Variants in ERC1 observed in about 807,000 individuals in gnomAD.
ERC1 encodes RAB6 interacting protein 2.
ERC1 carries 56 observed loss-of-function variants against 132.0 expected under a neutral mutation model. The observed-to-expected ratio is 0.42, with a 90% CI of 0.34 to 0.53. The LOEUF is 0.53. ERC1 is among the 20% of genes least tolerant of loss of function. The pLI, the probability that ERC1 is intolerant of heterozygous loss-of-function variation, is 0.03. For missense variants in ERC1, 1,202 were observed against 1,349.9 expected (o/e 0.89, Z 1.72); for synonymous variants, 478 against 476.1 (o/e 1.00, Z -0.05).
At chr12:1,176,526 A>G (rs1160615245) in intron 8 of ERC1, among the ~76,000 whole-genome samples, 1 of 151,744 alleles carries the variant, frequency 6.6e-6, no homozygotes, top group Non-Finnish European at 1.5e-5. Flanking sequence ...TTATCCCCTA[A>G]CAAGAGAGTC....
At chr12:1,004,931 T>C (rs928190564) in intron 1 of ERC1, among the ~76,000 whole-genome samples, 3 of 152,042 alleles carry the variant, frequency 2.0e-5, no homozygotes, top group African/African-American at 7.2e-5. Context: ...AGAAAGACCG[T>C]ATTTAACTTC....
At chr12:1,297,198 TAA>T (rs35473192) in intron 15 of ERC1, among the ~76,000 whole-genome samples, 54,009 of 130,124 alleles carry the variant, frequency 0.42, 10,132 homozygotes, top group Middle Eastern at 0.57. Context: ...TTCAGGGTAC[TAA>T]AAAAAAAAAA....
intron 17 of ERC1, among the ~76,000 whole-genome samples, chr12:1,413,139 A>C (rs1420903394): frequency 6.6e-6 from 1 of 152,212 alleles, no homozygotes; most frequent in Non-Finnish European, 1.5e-5. Context: ...AACACCTTGA[A>C]TTTTATAAAG....
intron 1 of ERC1, among the ~76,000 whole-genome samples, chr12:998,142 C>T (rs1401847850): frequency 6.6e-6 from 1 of 152,192 alleles, no homozygotes; most frequent in African/African-American, 2.4e-5. Context: ...CAACCTATTT[C>T]TGTCTTGTTT....
At chr12:1,296,026 A>AAAC (rs1566513642) in intron 15 of ERC1, among the ~76,000 whole-genome samples, 1 of 150,824 alleles carries the variant, frequency 6.6e-6, no homozygotes, top group Non-Finnish European at 1.5e-5. Flanking sequence ...AAAAAAAAAA[A>AAAC]CAACTAAATT....
intron 16 of ERC1, among the ~76,000 whole-genome samples, chr12:1,388,417 T>C (rs1204027180): frequency 3.3e-5 from 5 of 151,304 alleles, no homozygotes; most frequent in African/African-American, 4.9e-5. Context: ...AGAGGGATCA[T>C]TGTGGCCAGG....
At chr12:1,241,474 C>T (rs1471071898) in intron 13 of ERC1, among the ~76,000 whole-genome samples, 1 of 151,902 alleles carries the variant, frequency 6.6e-6, no homozygotes, top group Non-Finnish European at 1.5e-5. Flanking sequence ...GTTTAAACAT[C>T]TTTTCAAAAA....
At chr12:1,330,456 A>G (rs1472360153) in intron 15 of ERC1, among the ~76,000 whole-genome samples, 1 of 151,996 alleles carries the variant, frequency 6.6e-6, no homozygotes, top group Non-Finnish European at 1.5e-5. Flanking sequence ...TATTATTATT[A>G]TTATTATTTT....
chr12:1,146,958 A>AT lies in ERC1; in HGVS notation c.1737+5177dup, dbSNP rs1002157713. Reference sequence around the variant, plus strand: ...TCCTTACAAAGGACACAAACTCATCATTTTTTATGGCTGCATAGTATTCCA... The same window carrying AT: ...TCCTTACAAAGGACACAAACTCATCATTTTTTTATGGCTGCATAGTATTCCA... On this transcript the variant is annotated intron_variant, in intron 8 of 18. Coordinates refer to ENST00000360905, the MANE Select transcript of ERC1 (RefSeq NM_178040.4). Among the ~76,000 whole-genome samples the AT allele has an allele frequency of 2.1e-4, 32 of 152,206 alleles. 1 individual carries two copies. Among genetic ancestry groups the AT allele is most frequent in the African/African-American group, 7.7e-4 (32 of 41,526 alleles).
chr12:1,108,157 A>G (rs1945463016), intron 4 of ERC1, among the ~76,000 whole-genome samples: 1 of 152,178 alleles, frequency 6.6e-6, no homozygotes, highest in African/African-American at 2.4e-5. Flanking sequence ...TCTTCTGGTC[A>G]GTCAGTACCT....
chr12:1,248,168 A>G (rs2076268537), intron 13 of ERC1, among the ~76,000 whole-genome samples: 1 of 152,080 alleles, frequency 6.6e-6, no homozygotes, highest in Non-Finnish European at 1.5e-5. Flanking sequence ...GTTTAATTTT[A>G]CTCATTTTTA....
chr12:1,006,895 C>A (rs1487291512), intron 1 of ERC1, among the ~76,000 whole-genome samples: 1 of 150,700 alleles, frequency 6.6e-6, no homozygotes, highest in South Asian at 2.1e-4. Flanking sequence ...TTCTTTTTCT[C>A]GTTCCTCATT....
intron 16 of ERC1, among the ~76,000 whole-genome samples, chr12:1,375,099 T>C (rs940879593): frequency 3.3e-5 from 4 of 122,272 alleles, no homozygotes; most frequent in Middle Eastern, 4.3e-3. Flanking sequence ...TGGCAGACAT[T>C]CTGTGTGTTA....
At chr12:1,444,526 C>CATCTT (rs1565453354) in intron 17 of ERC1, 36 bp from the exon 18 acceptor site, 1 of 1,436,958 alleles carries the variant, frequency 7.0e-7, no homozygotes. Flanking sequence ...TGACTTTCCT[C>CATCTT]ATTTTATTTT....
rs1203762503 is a variant in ERC1 at position 1,117,017 on chromosome 12, T to C, written c.1569+984T>C. Among the ~76,000 whole-genome samples, 3 of 152,360 alleles carry C rather than the reference T, an allele frequency of 2.0e-5. No individual in the cohort carries two copies. In the East Asian group the frequency reaches 5.8e-4, roughly 29 times the overall value. On this transcript the variant is annotated intron_variant, in intron 7 of 18. Transcript: ENST00000360905. ...CTAAATAATCCCAGATCGATTCTTA[T>C]CTATCTTACTTTCAATGATCGAAGA...
chr12:1,082,159 C>T (rs1360356159), intron 2 of ERC1, among the ~76,000 whole-genome samples: 1 of 152,054 alleles, frequency 6.6e-6, no homozygotes, highest in Non-Finnish European at 1.5e-5. Context: ...TCCTGAGTAG[C>T]TGGGATTACA....
chr12:1,104,853 T>A, intron 4 of ERC1, 29 bp downstream of exon 4: 3 of 1,457,320 alleles, frequency 2.1e-6, no homozygotes, highest in Non-Finnish European at 2.9e-6. Flanking sequence ...AAGAATCTTA[T>A]GAATTACCTT....
In ERC1 at chr12:1,145,223, G is replaced by A. The variant is rs573480011; in HGVS notation, c.1737+3436G>A. ...GTCGAGACGGGGTTTCACCATGTTG[G>A]CCAGGCTGGTCTTGAACTCCTGATC... On this transcript the variant is annotated intron_variant, in intron 8 of 18. Coordinates refer to ENST00000360905, the MANE Select transcript of ERC1 (RefSeq NM_178040.4). 5.3e-4 allele frequency among the ~76,000 whole-genome samples: 81 copies of A among 152,088 alleles called. 1 individual carries two copies. Among genetic ancestry groups the A allele is most frequent in the African/African-American group, 1.9e-3 (79 of 41,520 alleles).
At chr12:1,312,606 A>G (rs1463139481) in intron 15 of ERC1, among the ~76,000 whole-genome samples, 3 of 152,192 alleles carry the variant, frequency 2.0e-5, no homozygotes, top group African/African-American at 4.8e-5. Flanking sequence ...TGATCTGCCC[A>G]GTTTGCCCTC....
Sources: allele counts gnomAD v4.1 joint callset (sites outside exome capture counted in the v4.1 genomes callset), GRCh38; gene constraint gnomAD v4.1.1; transcripts MANE v1.5; gene names NCBI Gene and HGNC (gene_info 2026-07-23, HGNC 2026-07-21).